The following PAPPA2 variants were observed in gnomAD, a reference collection of about 807,000 sequenced individuals.
PAPPA2 encodes the protein pappalysin-2.
PAPPA2 carries 86 observed loss-of-function variants against 176.4 expected under a neutral mutation model. That is an observed-to-expected ratio of 0.49 (90% CI 0.41 to 0.58). The LOEUF (loss-of-function observed/expected upper bound fraction) is 0.58, where lower values mean the gene tolerates loss of function less well. Among genes scored for constraint, PAPPA2 ranks in the 20% least tolerant of loss-of-function variants. The probability of loss-of-function intolerance (pLI) is 0.00; values close to 1 mark genes in which losing one functional copy is unlikely to be tolerated. For missense variants in PAPPA2, 2,073 were observed against 2,256.9 expected, an observed-to-expected ratio of 0.92 and a Z score of 1.65; for synonymous variants, 809 against 852.2, an observed-to-expected ratio of 0.95 and a Z score of 0.88.
chr1:176,714,354 G>A (rs12139066), intron 12 of PAPPA2, among the ~76,000 whole-genome samples: 1,612 of 151,338 alleles, frequency 0.011, 22 homozygotes, highest in African/African-American at 0.037. Flanking sequence ...TGCCCTTTCC[G>A]ATGCAAAAAA....
At chr1:176,580,155 C>T (rs1306985339) in intron 2 of PAPPA2, among the ~76,000 whole-genome samples, 1 of 152,140 alleles carries the variant, frequency 6.6e-6, no homozygotes, top group Non-Finnish European at 1.5e-5. Flanking sequence ...TTATCCCTAT[C>T]TCCCTCTTCC....
chr1:176,517,112 A>G (rs1383171077), intron 1 of PAPPA2, among the ~76,000 whole-genome samples: 1 of 152,190 alleles, frequency 6.6e-6, no homozygotes, highest in East Asian at 1.9e-4. Flanking sequence ...GACCTTCCGC[A>G]AAAACCAGGA....
intron 1 of PAPPA2, among the ~76,000 whole-genome samples, chr1:176,537,038 C>T (rs1650100675): frequency 6.6e-6 from 1 of 152,148 alleles, no homozygotes; most frequent in Non-Finnish European, 1.5e-5. Flanking sequence ...TTATTTAATT[C>T]CAGAGCCCAT....
intron 1 of PAPPA2, among the ~76,000 whole-genome samples, chr1:176,530,155 T>C (rs1553357425): frequency 6.6e-6 from 1 of 152,228 alleles, no homozygotes; most frequent in Non-Finnish European, 1.5e-5. Flanking sequence ...CCCAGGGTCC[T>C]GGCTGCTGCC....
chr1:176,646,570 C>G (rs536766480), intron 3 of PAPPA2, among the ~76,000 whole-genome samples: 2 of 149,324 alleles, frequency 1.3e-5, no homozygotes, highest in South Asian at 4.2e-4. Flanking sequence ...CACTATCATT[C>G]CCTGCCTCTG....
At chr1:176,728,396 C>G (rs904604881) in intron 12 of PAPPA2, among the ~76,000 whole-genome samples, 2 of 151,716 alleles carry the variant, frequency 1.3e-5, no homozygotes, top group African/African-American at 4.8e-5. Context: ...CTAATTTAAA[C>G]AATCACCAAC....
In PAPPA2 at chr1:176,771,187, T is replaced by C. The variant is rs1212248785; in HGVS notation, c.4715+7T>C. On this transcript the variant is annotated splice_region_variant and intron_variant, in intron 17 of 22. Coordinates refer to ENST00000367662, the MANE Select transcript of PAPPA2 (RefSeq NM_020318.3). ...CAGAGGGTAAAGTCAGGAAGTAAGT[T>C]GAATGTTCCTGGTCTTTGGAGTTCT... The C allele has an allele frequency of 4.3e-6, 7 of 1,612,502 alleles. No homozygotes were observed. The highest frequency in any genetic ancestry group is 5.9e-6 in the Non-Finnish European group (7 of 1,178,548).
chr1:176,673,227 TGGAGACACCTCTGTGCTTTCCAG>T (rs1659107053), intron 4 of PAPPA2, among the ~76,000 whole-genome samples: 1 of 152,172 alleles, frequency 6.6e-6, no homozygotes, highest in Admixed American at 6.6e-5. Flanking sequence ...TCGGGTAAAC[TGGAGACACCTCTGTGCTTTCCAG>T]ATGAAAGCTA....
chr1:176,580,551 A>G (rs1340230667), intron 2 of PAPPA2, among the ~76,000 whole-genome samples: 1 of 152,118 alleles, frequency 6.6e-6, no homozygotes, highest in African/African-American at 2.4e-5. Context: ...TTTATGAAGA[A>G]CCTCCATGCT....
At chr1:176,515,971 T>G (rs1648886579) in intron 1 of PAPPA2, among the ~76,000 whole-genome samples, 1 of 152,196 alleles carries the variant, frequency 6.6e-6, no homozygotes, top group African/African-American at 2.4e-5. Context: ...TACTAGCCCA[T>G]TTTATGGATG....
intron 14 of PAPPA2, among the ~76,000 whole-genome samples, chr1:176,756,218 G>T (rs763093977): frequency 1.3e-5 from 2 of 152,148 alleles, no homozygotes; most frequent in Non-Finnish European, 2.9e-5. Flanking sequence ...GCCTCCCAAA[G>T]TGTTGGAATT....
chr1:176,763,969 G>A (rs983270005), intron 14 of PAPPA2, among the ~76,000 whole-genome samples: 4 of 152,160 alleles, frequency 2.6e-5, no homozygotes, highest in African/African-American at 7.2e-5. Context: ...GAAGCATGAC[G>A]CTGGTGTATG....
intron 21 of PAPPA2, among the ~76,000 whole-genome samples, chr1:176,834,776 C>T (rs1667208177): frequency 6.6e-6 from 1 of 152,128 alleles, no homozygotes; most frequent in Non-Finnish European, 1.5e-5. Flanking sequence ...TCGAGACCAG[C>T]CTGACCAACA....
chr1:176,594,534 T>A lies in PAPPA2; in HGVS notation c.930T>A (p.Asp310Glu), dbSNP rs759213060. The change falls in exon 3 of 23, where the codon GAT (aspartate) becomes GAA (glutamate). Residue 310 changes from aspartate to glutamate, a missense_variant. Around this residue, in one of 4 missense-constraint regions of PAPPA2, gnomAD observed 1,196 missense variants for 1,330.4 expected, o/e 0.90. Transcript: ENST00000367662. ...NNPAIIAGVF[D>E]NCSHTVSDKG... ...TTCCTTCTTTCCCAGGTGTGTTTGA[T>A]AACTGCTCCCACACTGTCAGTGACA... 4 of 1,613,270 alleles carry A rather than the reference T, an allele frequency of 2.5e-6. No individual in the cohort carries two copies. The African/African-American group carries it at 5.3e-5, about 22-fold the overall frequency.
chr1:176,824,399 A>G (rs1666778653), intron 21 of PAPPA2, among the ~76,000 whole-genome samples: 1 of 152,242 alleles, frequency 6.6e-6, no homozygotes, highest in Admixed American at 6.5e-5. Context: ...GTTAATAAAT[A>G]TTCACATTTG....
chr1:176,543,764 G>T (rs1650485041), intron 1 of PAPPA2, among the ~76,000 whole-genome samples: 1 of 152,068 alleles, frequency 6.6e-6, no homozygotes, highest in South Asian at 2.1e-4. Context: ...TTGCCAGCAA[G>T]GGGTTGTATT....
chr1:176,533,869 C>A (rs943554421), intron 1 of PAPPA2, among the ~76,000 whole-genome samples: 1 of 152,146 alleles, frequency 6.6e-6, no homozygotes, highest in Non-Finnish European at 1.5e-5. Flanking sequence ...ACTAGCTGCA[C>A]GTAGCTATTG....
Position 176,543,466 on chromosome 1 carries a change from C to G in PAPPA2, c.-916-11941C>G, listed in dbSNP as rs79891396. ...TTCCAGCTTCATCTCTGCACCTGGC[C>G]TCTTCTGTTTGGTCACTTTCTGGAG... On this transcript the variant is annotated intron_variant, in intron 1 of 22. Coordinates refer to ENST00000367662, the MANE Select transcript of PAPPA2 (RefSeq NM_020318.3). Among the ~76,000 whole-genome samples the G allele has an allele frequency of 2.6e-3, 389 of 152,146 alleles. 2 individuals carry two copies. The East Asian group carries it at 0.034, about 13-fold the overall frequency.
chr1:176,647,613 G>C lies in PAPPA2; in HGVS notation c.1992-23357G>C, dbSNP rs535796284. ...GTATGTGGTAAGAGATAGGGGTCTG[G>C]TTCTATTCTTCTGCATATGGTTATC... On this transcript the variant is annotated intron_variant, in intron 3 of 22. Transcript: ENST00000367662. Among the ~76,000 whole-genome samples the C allele has an allele frequency of 3.3e-5, 5 of 151,628 alleles. No individual in the cohort carries two copies. In the South Asian group the frequency reaches 1.0e-3, roughly 32 times the overall value.
Sources: gnomAD v4.1 joint callset for allele counts (sites outside exome capture counted in the v4.1 genomes callset) on GRCh38, gnomAD v4.1.1 for gene constraint, gnomAD v4.1.1 regional missense constraint, MANE v1.5 for transcripts, NCBI Gene and HGNC (gene_info 2026-07-23, HGNC 2026-07-21) for gene names.